KLK4: variants seen among roughly 807,000 people sequenced by gnomAD.
KLK4 encodes the protein kallikrein-4.
Under a neutral mutation model 24.3 loss-of-function variants are expected in KLK4, and 24 were observed. The ratio of observed to expected loss-of-function variants is 0.99; its 90% CI spans 0.72 to 1.39. The LOEUF is 1.39. Ranked by LOEUF, KLK4 falls within the 40% of genes most tolerant of loss-of-function variation. KLK4 has a pLI of 0.00. For synonymous variants in KLK4, 142 were observed against 138.8 expected (o/e 1.02, Z -0.16); for missense variants, 344 against 327.4 (o/e 1.05, Z -0.39).
exon 3 of KLK4, chr19:50,909,350 C>A (rs1340973742): frequency 6.2e-7 from 1 of 1,614,114 alleles, no homozygotes; most frequent in South Asian, 1.1e-5. Context: ...CCTGCCAGGG[C>A]TGCGAGTGCG....
In KLK4 at chr19:50,910,286, T is replaced by C. The variant is rs1452572943; in HGVS notation, c.61+392A>G. Among the ~76,000 whole-genome samples the C allele has an allele frequency of 6.6e-6, 1 of 151,980 alleles. No individual in the cohort carries two copies. Among genetic ancestry groups the C allele is most frequent in the East Asian group, 1.9e-4 (1 of 5,186 alleles). On this transcript the variant is annotated intron_variant, in intron 2 of 5. Transcript: ENST00000324041. The surrounding 1 kb of genome is among the most constrained non-coding windows in gnomAD (Gnocchi z 4.4). ...TTTATAGTCCTGTGAGGTGAGTTCC[T>C]TGGGGATGGGAGAGGGGGATCTCAG...
chr19:50,907,311 T>C (rs923536228), intron 5 of KLK4, among the ~76,000 whole-genome samples: 6 of 152,162 alleles, frequency 3.9e-5, no homozygotes, highest in African/African-American at 1.4e-4. Flanking sequence ...TCTCTTGGGC[T>C]TGTGGTCTGT....
chr19:50,911,129 C>A (rs1304297951), intron 1 of KLK4, among the ~76,000 whole-genome samples: 1 of 152,076 alleles, frequency 6.6e-6, no homozygotes, highest in African/African-American at 2.4e-5. Context: ...CAGAGACAGT[C>A]TGAGAGTTAG....
intron 2 of KLK4, among the ~76,000 whole-genome samples, chr19:50,909,767 G>C (rs567711677): frequency 6.2e-4 from 94 of 152,102 alleles, no homozygotes; most frequent in African/African-American, 2.0e-3. Flanking sequence ...GGCTCCCAGG[G>C]GCGGTGATCA....
At chr19:50,909,934 A>G (rs145667033) in intron 2 of KLK4, among the ~76,000 whole-genome samples, 95 of 150,552 alleles carry the variant, frequency 6.3e-4, no homozygotes, top group Non-Finnish European at 1.1e-3. Flanking sequence ...TTATGGCTAG[A>G]GGCAGTCTCA....
chr19:50,908,873 C>G (rs1568514643), intron 3 of KLK4, 44 bp from the exon 4 acceptor site: 1 of 1,603,488 alleles, frequency 6.2e-7, no homozygotes, highest in Non-Finnish European at 8.5e-7. Flanking sequence ...CAACTACATC[C>G]TTACCTCCAT....
In KLK4 at chr19:50,910,730, T is replaced by C. The variant is rs750558170; in HGVS notation, c.9A>G (p.Thr3=). ...GGAACCAGCCCCAGGGATTTCCTGC[T>C]GTGGCCATCACGTCAGCACCTGGGG... The change falls in exon 2 of 6, where the codon ACA becomes ACG. Residue 3 remains threonine, a synonymous_variant. Coordinates refer to ENST00000324041, the Ensembl canonical transcript of KLK4. This position sits in a 1 kb window ranked among gnomAD's most constrained non-coding sequence, Gnocchi z 4.4. 1.2e-5 allele frequency: 19 copies of C among 1,553,740 alleles called. No individual in the cohort carries two copies. The highest frequency in any genetic ancestry group is 1.5e-5 in the Non-Finnish European group (17 of 1,147,938).
chr19:50,907,899 T>C, intron 5 of KLK4: 1 of 242,520 alleles, frequency 4.1e-6, no homozygotes, highest in Admixed American at 5.2e-5. Flanking sequence ...TTAAAAAAAT[T>C]CACAGACGAA....
chr19:50,911,297 G>C (rs2090486000), intron 1 of KLK4, among the ~76,000 whole-genome samples, 42 bp downstream of exon 1: 1 of 152,212 alleles, frequency 6.6e-6, no homozygotes, highest in African/African-American at 2.4e-5. Flanking sequence ...GTTGGATCAT[G>C]AACACTGCAG....
chr19:50,908,323 C>T (rs2090451554), intron 5 of KLK4, 36 bp downstream of exon 5: 4 of 1,608,914 alleles, frequency 2.5e-6, no homozygotes, highest in African/African-American at 1.3e-5. Flanking sequence ...TCCACCCTTC[C>T]CTGAGTCGCC....
rs907131342 is a variant in KLK4 at position 50,910,547 on chromosome 19, G to A, written c.61+131C>T. ...GGAGTTGCAGGGGCACAGCCATGGG[G>A]GACGGATAACACGGTACCGTCTCAC... On this transcript the variant is annotated intron_variant, in intron 2 of 5. Coordinates refer to ENST00000324041, the Ensembl canonical transcript of KLK4. The surrounding 1 kb of genome is among the most constrained non-coding windows in gnomAD (Gnocchi z 4.4). 2.4e-5 allele frequency: 20 copies of A among 840,206 alleles called. No individual in the cohort carries two copies. Among genetic ancestry groups the A allele is most frequent in the Non-Finnish European group, 3.0e-5 (15 of 500,400 alleles). The allele number at this position is 840,206 out of a possible 1,614,324, so 52.0% of individuals were successfully genotyped here.
intron 3 of KLK4, 45 bp downstream of exon 3, chr19:50,909,207 C>T (rs950575475): frequency 4.3e-6 from 7 of 1,613,622 alleles, no homozygotes; most frequent in South Asian, 2.2e-5. Context: ...TTAGGCCCCG[C>T]CCCCGGACCC....
At chr19:50,908,131 ATG>A (rs759235527) in intron 5 of KLK4, 27 of 600,808 alleles carry the variant, frequency 4.5e-5, no homozygotes, top group Non-Finnish European at 7.3e-5. Flanking sequence ...CTGCATTTCT[ATG>A]TGTGTGTGTT....
At chr19:50,907,067 A>G (rs765201083) in exon 6 of KLK4, 6 of 1,613,846 alleles carry the variant, frequency 3.7e-6, no homozygotes, top group East Asian at 4.5e-5. Flanking sequence ...GTTGCAGATC[A>G]GGGGCCCCCC....
At chr19:50,909,216 C>G in intron 3 of KLK4, 36 bp downstream of exon 3, 2 of 1,614,062 alleles carry the variant, frequency 1.2e-6, no homozygotes, top group Non-Finnish European at 1.7e-6. Flanking sequence ...GCCCCCGGAC[C>G]CAGGCCCTGC....
intron 2 of KLK4, among the ~76,000 whole-genome samples, 180 bp from the exon 3 acceptor site, chr19:50,909,594 G>A (rs559626446): frequency 1.3e-5 from 2 of 150,106 alleles, no homozygotes; most frequent in Non-Finnish European, 1.5e-5. Context: ...AGGGGTTACC[G>A]AGCAGGGGCG....
At chr19:50,907,881 G>A in intron 5 of KLK4, 1 of 246,156 alleles carries the variant, frequency 4.1e-6, no homozygotes, top group Non-Finnish European at 8.0e-6. Flanking sequence ...TAGGAGAGTT[G>A]CAACAATTTA....
Position 50,910,802 on chromosome 19 carries a change from T to C in KLK4, c.-11-53A>G. ...TGTCTGGGGATCTTCAGCCCAAGTC[T>C]CTCCATCCCTCTCTTTGTCCCTCCC... is the stretch of plus-strand genomic sequence containing the variant. On this transcript the variant is annotated intron_variant, in intron 1 of 5. Coordinates refer to ENST00000324041, the Ensembl canonical transcript of KLK4. This position sits in a 1 kb window ranked among gnomAD's most constrained non-coding sequence, Gnocchi z 4.4. 1 of 1,415,726 alleles carries C rather than the reference T, an allele frequency of 7.1e-7. No homozygotes were observed. Among genetic ancestry groups the C allele is most frequent in the Non-Finnish European group, 9.8e-7 (1 of 1,023,514 alleles). The allele number at this position is 1,415,726 out of a possible 1,614,324, so 87.7% of individuals were successfully genotyped here.
In KLK4 at chr19:50,910,871, C is replaced by T; in HGVS notation, c.-11-122G>A. 2 of 790,994 alleles carry T rather than the reference C, an allele frequency of 2.5e-6. No homozygotes were observed. The highest frequency in any genetic ancestry group is 2.2e-6 in the Non-Finnish European group (1 of 462,294). 49.0% of individuals were successfully genotyped at this position (790,994 alleles called of 1,614,324 possible). On this transcript the variant is annotated intron_variant, in intron 1 of 5. Coordinates refer to ENST00000324041, the Ensembl canonical transcript of KLK4. This position sits in a 1 kb window ranked among gnomAD's most constrained non-coding sequence, Gnocchi z 4.4. ...TTATTAGGTAGGCAAGAGCCTAGAC[C>T]ATCTACCCCCTCTCCCATCCATGGA... is the stretch of plus-strand genomic sequence containing the variant.
Sources: allele counts gnomAD v4.1 joint callset (sites outside exome capture counted in the v4.1 genomes callset), GRCh38; gene constraint gnomAD v4.1.1; non-coding constraint Gnocchi (gnomAD v3.1); transcripts MANE v1.5; gene names NCBI Gene and HGNC (gene_info 2026-07-23, HGNC 2026-07-21).